Variants in CNGB3 observed in about 807,000 individuals in gnomAD.
CNGB3 encodes cyclic nucleotide gated channel subunit beta 3.
In CNGB3, 86 loss-of-function variants were observed where a neutral mutation model predicts 92.8. The ratio of observed to expected loss-of-function variants is 0.93; its 90% confidence interval spans 0.78 to 1.11. The LOEUF is 1.11. Among genes scored for constraint, CNGB3 ranks in the 50% least tolerant of loss-of-function variants. CNGB3 has a pLI of 0.00. For synonymous variants in CNGB3, 333 were observed against 332.7 expected (o/e 1.00, Z -0.01); for missense variants, 1,026 against 956.8 (o/e 1.07, Z -0.95).
In CNGB3 at chr8:86,578,732, C is replaced by T. The variant is rs766831491; in HGVS notation, c.2060G>A (p.Ser687Asn). ...KTLLGGTGKA[S>N]LARLLKLKRE... is the part of the protein sequence containing the mutation. ...CTTCAATTTGAGTAGTCTTGCAAGA[C>T]TTGCTTTTCCTGTGCCTCCTAGGAG... The change falls in exon 17 of 18, where the codon AGT becomes AAT. Residue 687 changes from serine (S) to asparagine (N), a missense_variant. Ser to Asn is a conservative substitution (Grantham distance 46). Transcript: ENST00000320005. 2.5e-6 allele frequency: 4 copies of T among 1,614,038 alleles called. No homozygotes were observed. The African/African-American group carries it at 4.0e-5, about 16-fold the overall frequency.
At chr8:86,679,545 A>G (rs1348017503) in intron 3 of CNGB3, among the ~76,000 whole-genome samples, 1 of 150,134 alleles carries the variant, frequency 6.7e-6, no homozygotes, top group Non-Finnish European at 1.5e-5. Context: ...TTTTTTTTTG[A>G]AAAGGAGTCT....
At chr8:86,603,512 T>G (rs1822351918) in intron 15 of CNGB3, among the ~76,000 whole-genome samples, 1 of 152,184 alleles carries the variant, frequency 6.6e-6, no homozygotes, top group African/African-American at 2.4e-5. Context: ...TAATTGATAT[T>G]TATTGAGTTG....
rs756911896 is a variant in CNGB3, at chr8:86,604,090, T to C, written c.1781+3A>G. ...CAATATTTATGAAGTATCTTTCAGATACCTGATTTCTCCAAACACCGACCC... is the reference window on the plus strand; with the variant it reads ...CAATATTTATGAAGTATCTTTCAGACACCTGATTTCTCCAAACACCGACCC... On this transcript the variant is annotated splice_donor_region_variant and intron_variant, in intron 15 of 17. Transcript: ENST00000320005. 6 of 1,577,732 alleles carry C rather than the reference T, an allele frequency of 3.8e-6. No individual in the cohort carries two copies. The highest frequency in any genetic ancestry group is 1.1e-5 in the South Asian group (1 of 90,298).
At chr8:86,713,376 A>G (rs187381854) in intron 3 of CNGB3, among the ~76,000 whole-genome samples, 1 of 152,262 alleles carries the variant, frequency 6.6e-6, no homozygotes, top group East Asian at 1.9e-4. Context: ...ATTGCTGGGG[A>G]TAGAACTCAA....
intron 17 of CNGB3, among the ~76,000 whole-genome samples, 161 bp from the exon 18 acceptor site, chr8:86,576,291 T>C (rs974279): frequency 0.91 from 137,890 of 151,994 alleles, 62,835 homozygotes; most frequent in African/African-American, 0.97. Context: ...TATCATTTGA[T>C]GAAGTTTCTG....
At chr8:86,708,292 G>C (rs1824685695) in intron 3 of CNGB3, among the ~76,000 whole-genome samples, 2 of 152,144 alleles carry the variant, frequency 1.3e-5, no homozygotes, top group Non-Finnish European at 1.5e-5. Context: ...GTGAGGAAGA[G>C]AGTGGCCAGT....
intron 3 of CNGB3, among the ~76,000 whole-genome samples, chr8:86,695,025 G>C (rs529433901): frequency 2.0e-5 from 3 of 152,206 alleles, no homozygotes; most frequent in African/African-American, 7.2e-5. Flanking sequence ...CTGAGTGAAC[G>C]AGACTCCGTC....
chr8:86,645,800 A>G (rs1823283760), intron 8 of CNGB3, among the ~76,000 whole-genome samples: 1 of 151,314 alleles, frequency 6.6e-6, no homozygotes, highest in Non-Finnish European at 1.5e-5. Context: ...AAGTTTGCAC[A>G]AAGGCATGAT....
At chr8:86,687,046 A>G (rs900214392) in intron 3 of CNGB3, among the ~76,000 whole-genome samples, 1 of 152,052 alleles carries the variant, frequency 6.6e-6, no homozygotes, top group African/African-American at 2.4e-5. Flanking sequence ...AGATTGTTCA[A>G]AACACCACAG....
At chr8:86,613,011 C>G (rs1005630671) in intron 13 of CNGB3, among the ~76,000 whole-genome samples, 2 of 152,096 alleles carry the variant, frequency 1.3e-5, no homozygotes, top group African/African-American at 4.8e-5. Context: ...ATCCATAAAA[C>G]TTATAAGATA....
At chr8:86,661,841 T>G (rs766010108) in intron 6 of CNGB3, 14 of 1,414,448 alleles carry the variant, frequency 9.9e-6, no homozygotes, top group Non-Finnish European at 1.4e-5. Flanking sequence ...CAGTATCTTC[T>G]GGACGTTCCA....
intron 6 of CNGB3, chr8:86,659,613 C>T: frequency 1.9e-6 from 1 of 532,468 alleles, no homozygotes; most frequent in Non-Finnish European, 3.7e-6. Context: ...TCCAACTCTC[C>T]CACACGCGCC....
At chr8:86,611,562 G>A (rs1661044213) in intron 14 of CNGB3, 26 bp downstream of exon 14, 4 of 1,559,272 alleles carry the variant, frequency 2.6e-6, no homozygotes, top group East Asian at 4.5e-5. Flanking sequence ...TATTAGTTGT[G>A]CATTTGAAAA....
At chr8:86,718,940 G>A (rs1377675962) in intron 3 of CNGB3, among the ~76,000 whole-genome samples, 1 of 152,000 alleles carries the variant, frequency 6.6e-6, no homozygotes, top group Admixed American at 6.6e-5. Context: ...CTCAGTAGAT[G>A]CAGAAAAACC....
At chr8:86,674,902 C>A (rs188048585) in intron 3 of CNGB3, among the ~76,000 whole-genome samples, 141 of 151,732 alleles carry the variant, frequency 9.3e-4, no homozygotes, top group Non-Finnish European at 1.7e-3. Flanking sequence ...TACAGGTGTG[C>A]AACACCACAC....
rs769966310 is a variant in CNGB3, at chr8:86,670,996, C to A, written c.441G>T (p.Lys147Asn). 45 of 1,613,146 alleles carry A rather than the reference C, an allele frequency of 2.8e-5. No individual in the cohort carries two copies. The highest frequency in any genetic ancestry group is 3.7e-5 in the Non-Finnish European group (44 of 1,180,012). ...KRMRQRTALY[K>N]KKLVEGDLSS... ...AGAGATCTCCCTCTACCAACTTTTT[C>A]TTGTAGAGGGCTGTTCTTTGACGCA... Residue 147 changes from lysine (K) to asparagine (N), a missense_variant, in exon 4 of 18, where the codon AAG becomes AAT. Coordinates refer to ENST00000320005, the MANE Select transcript of CNGB3 (RefSeq NM_019098.5).
chr8:86,676,979 AT>A (rs1823983949), intron 3 of CNGB3, among the ~76,000 whole-genome samples: 4 of 152,332 alleles, frequency 2.6e-5, no homozygotes, highest in Admixed American at 2.6e-4. Context: ...TCAGAACAGT[AT>A]GAATTTTTTT....
At chr8:86,589,298 T>G (rs970736638) in intron 15 of CNGB3, among the ~76,000 whole-genome samples, 49 of 151,182 alleles carry the variant, frequency 3.2e-4, no homozygotes, top group Admixed American at 2.6e-4. Context: ...AGATCCTGGA[T>G]TCATTAATTT....
Position 86,629,467 on chromosome 8 carries a change from T to C in CNGB3, c.1321-389A>G, listed in dbSNP as rs147950693. ...ATGTTAGTATACATTGAAAAAATTA[T>C]ACAGCTGTGCTTATGCAAGGAGTGT... On this transcript the variant is annotated intron_variant, in intron 11 of 17. Coordinates refer to ENST00000320005, the MANE Select transcript of CNGB3 (RefSeq NM_019098.5). 1.1e-3 allele frequency among the ~76,000 whole-genome samples: 166 copies of C among 152,348 alleles called. 1 individual carries two copies. The highest frequency in any genetic ancestry group is 3.5e-3 in the African/African-American group (147 of 41,580).
Sources: gnomAD v4.1 joint callset for allele counts (sites outside exome capture counted in the v4.1 genomes callset) on GRCh38, gnomAD v4.1.1 for gene constraint, MANE v1.5 for transcripts, NCBI Gene and HGNC (gene_info 2026-07-23, HGNC 2026-07-21) for gene names.